Variants in UBE2N observed in about 807,000 individuals in gnomAD.
UBE2N encodes the protein ubiquitin conjugating enzyme E2 N, also known as ubiquitin-conjugating enzyme E2 N.
For missense variants in UBE2N, 60 were observed against 192.1 expected (o/e 0.31, Z 4.07); for synonymous variants, 70 against 69.2 (o/e 1.01, Z -0.06).
Position 93,441,868 on chromosome 12 carries a change from C to A in UBE2N, c.17G>T (p.Arg6Leu). MAGLP[R>L]RIIKETQRLL... ...CTGGGCGGTTACCTTGATGATCCTG[C>A]GGGGCAGCCCGGCCATCTTGTCAGA... is the stretch of plus-strand genomic sequence containing the variant. Residue 6 changes from arginine (R) to leucine (L), a missense_variant, in exon 1 of 4, where the codon CGC (arginine) becomes CTC (leucine). Transcript: ENST00000318066. 6.3e-7 allele frequency: 1 copy of A among 1,578,160 alleles called. No homozygotes were observed. Among genetic ancestry groups the A allele is most frequent in the Non-Finnish European group, 8.6e-7 (1 of 1,164,874 alleles).
At chr12:93,415,320 A>G (rs1279167935) in intron 1 of UBE2N, among the ~76,000 whole-genome samples, 1 of 152,236 alleles carries the variant, frequency 6.6e-6, no homozygotes, top group East Asian at 1.9e-4. Flanking sequence ...ATACTGAAAT[A>G]GTCATAAGAT....
At position 93,429,213 on chromosome 12, in the gene UBE2N, T is replaced by C. The variant is rs2121087076; in HGVS notation, c.30+12642A>G. 3 of 342,554 alleles carry C rather than the reference T, an allele frequency of 8.8e-6. 1 individual carries two copies. Among genetic ancestry groups the C allele is most frequent in the South Asian group, 4.6e-5 (2 of 43,246 alleles). The allele number at this position is 342,554 out of a possible 1,614,324, so 21.2% of individuals were successfully genotyped here. On this transcript the variant is annotated intron_variant, in intron 1 of 3. Coordinates refer to ENST00000318066, the MANE Select transcript of UBE2N (RefSeq NM_003348.4). Reference sequence around the variant, plus strand: ...TGAACCCAGGAGGCGGAGGTTGCAGTGAGCCAAGATCACACCATTGCACTC... The same window carrying C: ...TGAACCCAGGAGGCGGAGGTTGCAGCGAGCCAAGATCACACCATTGCACTC...
Position 93,409,338 on chromosome 12 carries a change from A to G in UBE2N, c.*701T>C, listed in dbSNP as rs1877963453. The G allele has an allele frequency of 6.2e-6, 1 of 161,042 alleles. No homozygotes were observed. Among genetic ancestry groups the G allele is most frequent in the Non-Finnish European group, 1.5e-5 (1 of 68,096 alleles). 10.0% of individuals were successfully genotyped at this position (161,042 alleles called of 1,614,324 possible). On this transcript the variant is annotated 3_prime_UTR_variant, in exon 4 of 4. Coordinates refer to ENST00000318066, the MANE Select transcript of UBE2N (RefSeq NM_003348.4). ...GAAAATGAAATAAACACAGTAAAATAAACTGTACAAAGGCAAAGTAGAATA... is the reference window on the plus strand; with the variant it reads ...GAAAATGAAATAAACACAGTAAAATGAACTGTACAAAGGCAAAGTAGAATA...
At chr12:93,433,644 AAGC>A (rs1878835350) in intron 1 of UBE2N, among the ~76,000 whole-genome samples, 1 of 152,190 alleles carries the variant, frequency 6.6e-6, no homozygotes. Context: ...TGTTTTTAGA[AAGC>A]AGCACTGTAT....
At position 93,434,890 on chromosome 12, in the gene UBE2N, G is replaced by GTATTTATTTATT. The variant is rs141035353; in HGVS notation, c.30+6953_30+6964dup. ...AATCTGTCTTCATCATAATGAGTTT[G>GTATTTATTTATT]TATTTATTTATTTATTTATTTATTT... On this transcript the variant is annotated intron_variant, in intron 1 of 3. Coordinates refer to ENST00000318066, the MANE Select transcript of UBE2N (RefSeq NM_003348.4). 5.4e-3 allele frequency among the ~76,000 whole-genome samples: 813 copies of GTATTTATTTATT among 151,316 alleles called. 8 individuals carry two copies. The highest frequency in any genetic ancestry group is 0.019 in the African/African-American group (776 of 41,004).
At position 93,407,301 on chromosome 12, in the gene UBE2N, T is replaced by C. The variant is rs138475858; in HGVS notation, c.*2738A>G. On this transcript the variant is annotated 3_prime_UTR_variant, in exon 4 of 4. Coordinates refer to ENST00000318066, the MANE Select transcript of UBE2N (RefSeq NM_003348.4). ...TTACTTCTCTTTTCCATGACAGAGTTACAACTATTTGTCTGTCCCCCTTCC... is the reference window on the plus strand; with the variant it reads ...TTACTTCTCTTTTCCATGACAGAGTCACAACTATTTGTCTGTCCCCCTTCC... 1 of 152,442 alleles carries C rather than the reference T, an allele frequency of 6.6e-6. No homozygotes were observed. Among genetic ancestry groups the C allele is most frequent in the African/African-American group, 2.4e-5 (1 of 41,582 alleles). 9.4% of individuals were successfully genotyped at this position (152,442 alleles called of 1,614,324 possible).
intron 1 of UBE2N, among the ~76,000 whole-genome samples, chr12:93,429,888 A>T (rs11107024): frequency 0.12 from 17,765 of 152,288 alleles, 1,362 homozygotes; most frequent in East Asian, 0.18. Context: ...CAAAAAAATC[A>T]AAAGTTTAAA....
Position 93,422,231 on chromosome 12 carries a change from T to C in UBE2N, c.31-10932A>G, listed in dbSNP as rs369561149. 3.3e-5 allele frequency among the ~76,000 whole-genome samples: 5 copies of C among 152,308 alleles called. No individual in the cohort carries two copies. In the East Asian group the frequency reaches 7.7e-4, roughly 23 times the overall value. On this transcript the variant is annotated intron_variant, in intron 1 of 3. Coordinates refer to ENST00000318066, the MANE Select transcript of UBE2N (RefSeq NM_003348.4). Reference sequence around the variant, plus strand: ...ATATTCAGCACTATAATTAGTAGACTCGTGGCAGTCAAGCATCTCCATTTT... The same window carrying C: ...ATATTCAGCACTATAATTAGTAGACCCGTGGCAGTCAAGCATCTCCATTTT...
rs1329839236 is a variant in UBE2N, at chr12:93,406,770, T to A, written c.*3269A>T. 2 of 151,866 alleles carry A rather than the reference T, an allele frequency of 1.3e-5. No individual in the cohort carries two copies. The highest frequency in any genetic ancestry group is 1.9e-4 in the East Asian group (1 of 5,176). 9.4% of individuals were successfully genotyped at this position (151,866 alleles called of 1,614,324 possible). A position where few individuals can be genotyped will look rare whatever the true frequency, so the allele number is the denominator to read the frequency against. ...GTGTAGATTGTATGCATATACAACA[T>A]CATTTTATTCCAGAGACTTGAGCAT... On this transcript the variant is annotated 3_prime_UTR_variant, in exon 4 of 4. Coordinates refer to ENST00000318066, the MANE Select transcript of UBE2N (RefSeq NM_003348.4).
At chr12:93,423,364 G>A (rs1878476559) in intron 1 of UBE2N, among the ~76,000 whole-genome samples, 1 of 152,194 alleles carries the variant, frequency 6.6e-6, no homozygotes. Context: ...AAGGTTAAGA[G>A]TTAGCAGACC....
chr12:93,435,002 T>G (rs977504247), intron 1 of UBE2N, among the ~76,000 whole-genome samples: 2 of 152,086 alleles, frequency 1.3e-5, no homozygotes, highest in Non-Finnish European at 1.5e-5. Context: ...GCCTCCTGGA[T>G]TCAAGGGATC....
At chr12:93,411,390 GCAT>G in intron 1 of UBE2N, 91 bp from the exon 2 acceptor site, 1 of 1,501,192 alleles carries the variant, frequency 6.7e-7, no homozygotes. Flanking sequence ...TTAGAACTAC[GCAT>G]AATAGAACAG....
intron 1 of UBE2N, among the ~76,000 whole-genome samples, chr12:93,423,983 T>C (rs1878496553): frequency 6.6e-6 from 1 of 152,164 alleles, no homozygotes. Context: ...ATTAAAGAAA[T>C]ACATAAAATT....
chr12:93,421,611 A>C (rs117864740), intron 1 of UBE2N, among the ~76,000 whole-genome samples: 1 of 152,186 alleles, frequency 6.6e-6, no homozygotes, highest in Non-Finnish European at 1.5e-5. Flanking sequence ...GAAAAAGGTA[A>C]ATTTAAGCCA....
At chr12:93,427,046 A>T (rs1037105590) in intron 1 of UBE2N, among the ~76,000 whole-genome samples, 1 of 152,184 alleles carries the variant, frequency 6.6e-6, no homozygotes, top group African/African-American at 2.4e-5. Context: ...CAGCCTCCCA[A>T]GTAGCTGGGA....
chr12:93,419,238 A>G (rs1878323737), intron 1 of UBE2N, among the ~76,000 whole-genome samples: 1 of 152,154 alleles, frequency 6.6e-6, no homozygotes, highest in Non-Finnish European at 1.5e-5. Flanking sequence ...TAAAAATATA[A>G]AATTAGCCAG....
At chr12:93,440,880 C>A (rs1250415190) in intron 1 of UBE2N, among the ~76,000 whole-genome samples, 1 of 152,102 alleles carries the variant, frequency 6.6e-6, no homozygotes, top group African/African-American at 2.4e-5. Flanking sequence ...ACACAGTATT[C>A]ATAAACAGCC....
intron 1 of UBE2N, among the ~76,000 whole-genome samples, chr12:93,412,706 G>C (rs938919229): frequency 1.3e-5 from 2 of 152,140 alleles, no homozygotes; most frequent in African/African-American, 2.4e-5. Context: ...TAGCAACTTA[G>C]AACTTTTTAA....
intron 1 of UBE2N, among the ~76,000 whole-genome samples, chr12:93,427,450 T>G (rs1054367860): frequency 1.3e-5 from 2 of 152,242 alleles, no homozygotes; most frequent in African/African-American, 4.8e-5. Context: ...TAATACATGC[T>G]ACAATATACA....
Sources: gnomAD v4.1 joint callset for allele counts (sites outside exome capture counted in the v4.1 genomes callset) on GRCh38, gnomAD v4.1.1 for gene constraint, MANE v1.5 for transcripts, NCBI Gene and HGNC (gene_info 2026-07-23, HGNC 2026-07-21) for gene names.